CPXM2: variants seen among roughly 807,000 people sequenced by gnomAD.
CPXM2 encodes carboxypeptidase X, M14 family member 2.
A neutral mutation model predicts 86.1 loss-of-function variants in CPXM2; 66 were observed. The ratio of observed to expected loss-of-function variants is 0.77; its 90% CI spans 0.63 to 0.94. CPXM2 has a LOEUF of 0.94. CPXM2 is among the 40% of genes least tolerant of loss of function. The pLI is 0.00. For missense variants in CPXM2, 948 were observed against 1,026.3 expected (o/e 0.92, Z 1.04); for synonymous variants, 388 against 400.2 (o/e 0.97, Z 0.36).
intron 9 of CPXM2, among the ~76,000 whole-genome samples, chr10:123,767,604 A>T (rs977685500): frequency 6.6e-6 from 1 of 152,224 alleles, no homozygotes; most frequent in Non-Finnish European, 1.5e-5. Flanking sequence ...CCACATTTCT[A>T]TACTGTAAAG....
At chr10:123,821,073 C>A (rs957934439) in intron 4 of CPXM2, among the ~76,000 whole-genome samples, 1 of 152,194 alleles carries the variant, frequency 6.6e-6, no homozygotes, top group Non-Finnish European at 1.5e-5. Context: ...CTGACCCAGG[C>A]TTGACGATCC....
chr10:123,898,481 C>A (rs1433612431), intron 2 of CPXM2, among the ~76,000 whole-genome samples: 4 of 151,858 alleles, frequency 2.6e-5, no homozygotes, highest in South Asian at 2.1e-4. Flanking sequence ...ATATATATAT[C>A]TTTTTAATTA....
chr10:123,888,797 A>C (rs1405779193), intron 1 of CPXM2, among the ~76,000 whole-genome samples: 1 of 152,172 alleles, frequency 6.6e-6, no homozygotes, highest in Non-Finnish European at 1.5e-5. Flanking sequence ...AGCCCCACAG[A>C]ATTCATTAGA....
intron 4 of CPXM2, among the ~76,000 whole-genome samples, chr10:123,801,031 C>A (rs1197998859): frequency 6.6e-6 from 1 of 152,190 alleles, no homozygotes; most frequent in Non-Finnish European, 1.5e-5. Flanking sequence ...GCCATTCACC[C>A]AGGGAGACCA....
At chr10:123,796,200 G>A (rs566443056) in intron 6 of CPXM2, among the ~76,000 whole-genome samples, 4 of 152,284 alleles carry the variant, frequency 2.6e-5, no homozygotes, top group African/African-American at 4.8e-5. Context: ...TCTCTGCATC[G>A]GCCTTGAAAC....
Position 123,750,764 on chromosome 10 carries a change from G to A in CPXM2, c.2018-3747C>T, listed in dbSNP as rs950456475. 4.6e-5 allele frequency: 45 copies of A among 985,402 alleles called. No homozygotes were observed. The African/African-American group carries it at 7.7e-4, about 17-fold the overall frequency. 61.0% of individuals were successfully genotyped at this position (985,402 alleles called of 1,614,324 possible). Reference sequence around the variant, plus strand: ...TGTGGGTTCACACAGTCAGAATGAGGGGTGTTGGCCATGTCATCTCAAAGC... The same window carrying A: ...TGTGGGTTCACACAGTCAGAATGAGAGGTGTTGGCCATGTCATCTCAAAGC... On this transcript the variant is annotated intron_variant, in intron 13 of 13. Transcript: ENST00000241305.
chr10:123,829,111 A>T (rs1848107525), intron 4 of CPXM2, among the ~76,000 whole-genome samples: 1 of 152,266 alleles, frequency 6.6e-6, no homozygotes, highest in Non-Finnish European at 1.5e-5. Context: ...AAATAAGCAC[A>T]TAAAAACACA....
intron 2 of CPXM2, among the ~76,000 whole-genome samples, chr10:123,926,612 G>T (rs1945623744): frequency 6.6e-6 from 1 of 152,214 alleles, no homozygotes; most frequent in Non-Finnish European, 1.5e-5. Flanking sequence ...TTAGCTTTCT[G>T]CAAAGCTTTC....
intron 11 of CPXM2, 41 bp from the exon 12 acceptor site, chr10:123,757,393 C>CA: frequency 6.4e-7 from 1 of 1,574,604 alleles, no homozygotes; most frequent in Non-Finnish European, 8.7e-7. Context: ...GAACAATACT[C>CA]AAAATGGCAC....
At chr10:123,907,760 G>A (rs72829712) in intron 2 of CPXM2, among the ~76,000 whole-genome samples, 20,815 of 130,692 alleles carry the variant, frequency 0.16, 1,718 homozygotes, top group South Asian at 0.23. Flanking sequence ...ACTGGACCCC[G>A]CAAGGCGCCC....
chr10:123,933,031 T>G (rs1945680953), intron 2 of CPXM2, among the ~76,000 whole-genome samples: 1 of 152,082 alleles, frequency 6.6e-6, no homozygotes, highest in Non-Finnish European at 1.5e-5. Context: ...TCAGGACCAA[T>G]CCACCCTGGT....
In CPXM2 at chr10:123,767,091, T is replaced by C. The variant is rs62640897; in HGVS notation, c.1361A>G (p.Asn454Ser). The C allele has an allele frequency of 3.9e-4, 631 of 1,614,196 alleles. 4 individuals carry two copies. The African/African-American group carries it at 7.6e-3, about 20-fold the overall frequency. The change falls in exon 10 of 14, where the codon AAC (asparagine) becomes AGC (serine). Residue 454 changes from asparagine (N) to serine (S), a missense_variant. Asn to Ser is a conservative substitution (Grantham distance 46, BLOSUM62 1). Coordinates refer to ENST00000241305, the MANE Select transcript of CPXM2 (RefSeq NM_198148.3). Reference protein sequence around the residue: ...RWTHDGIDINNNFPDLNTLLW... With the variant: ...RWTHDGIDINSNFPDLNTLLW... Reference sequence around the variant, plus strand: ...CAGCGTGTTTAAATCAGGAAAGTTGTTGTTGATGTCAATTCCATCGTGGGT... The same window carrying C: ...CAGCGTGTTTAAATCAGGAAAGTTGCTGTTGATGTCAATTCCATCGTGGGT...
chr10:123,754,620 G>A lies in CPXM2; in HGVS notation c.2017+43C>T, dbSNP rs1263118187. On this transcript the variant is annotated intron_variant, in intron 13 of 13. Transcript: ENST00000241305. The surrounding 1 kb of genome is among the most constrained non-coding windows in gnomAD (Gnocchi z 4.0). ...CCCAAGTAAAATGCCTAAAAAAATG[G>A]GTATTTCTTACCAAGAGACAGTCTG... 9.7e-7 allele frequency: 1 copy of A among 1,034,938 alleles called. No individual in the cohort carries two copies. Among genetic ancestry groups the A allele is most frequent in the African/African-American group, 1.6e-5 (1 of 64,026 alleles). 64.1% of individuals were successfully genotyped at this position (1,034,938 alleles called of 1,614,324 possible). A position where few individuals can be genotyped will look rare whatever the true frequency, so the allele number is the denominator to read the frequency against.
intron 4 of CPXM2, among the ~76,000 whole-genome samples, chr10:123,817,322 G>A (rs565642277): frequency 6.6e-6 from 1 of 152,180 alleles, no homozygotes; most frequent in East Asian, 1.9e-4. Flanking sequence ...CAGAAGATAG[G>A]CATGCTGTCT....
chr10:123,920,445 A>G (rs898051648), intron 2 of CPXM2, among the ~76,000 whole-genome samples: 2 of 152,214 alleles, frequency 1.3e-5, no homozygotes, highest in Non-Finnish European at 2.9e-5. Context: ...AAAAATTCCT[A>G]TGATCTAATG....
intron 3 of CPXM2, chr10:123,843,313 A>G (rs1009542735): frequency 1.1e-5 from 5 of 454,892 alleles, no homozygotes; most frequent in Admixed American, 2.4e-5. Context: ...AATTTTCTCT[A>G]TATTATCACC....
chr10:123,929,895 G>A (rs1274161381), intron 2 of CPXM2, among the ~76,000 whole-genome samples: 1 of 152,190 alleles, frequency 6.6e-6, no homozygotes, highest in Non-Finnish European at 1.5e-5. Context: ...CAACCACCGG[G>A]TCATGCTTCC....
At chr10:123,857,456 G>C (rs537564870) in intron 3 of CPXM2, among the ~76,000 whole-genome samples, 28 of 152,114 alleles carry the variant, frequency 1.8e-4, no homozygotes, top group African/African-American at 5.3e-4. Context: ...GAGACACGTT[G>C]AGTTGCTCAA....
At chr10:123,787,492 C>A (rs1011773674) in intron 6 of CPXM2, among the ~76,000 whole-genome samples, 18 of 152,268 alleles carry the variant, frequency 1.2e-4, no homozygotes, top group Non-Finnish European at 2.2e-4. Context: ...CACCACCACG[C>A]CCGGCTAATT....
Sources: allele counts gnomAD v4.1 joint callset (sites outside exome capture counted in the v4.1 genomes callset), GRCh38; gene constraint gnomAD v4.1.1; non-coding constraint Gnocchi (gnomAD v3.1); transcripts MANE v1.5; gene names NCBI Gene and HGNC (gene_info 2026-07-23, HGNC 2026-07-21).